The following PCM1 variants were observed in gnomAD, a reference collection of about 807,000 sequenced individuals.
PCM1 encodes pericentriolar material 1, also known as pericentriolar material 1 protein.
PCM1 carries 157 observed loss-of-function variants against 241.9 expected under a neutral mutation model. The ratio of observed to expected loss-of-function variants is 0.65; its 90% CI spans 0.57 to 0.74. PCM1 has a LOEUF of 0.74. Among genes scored for constraint, PCM1 ranks in the 30% least tolerant of loss-of-function variants. The pLI is 0.00. For synonymous variants in PCM1, 1,085 were observed against 784.9 expected, an observed-to-expected ratio of 1.38 and a Z score of -6.39; for missense variants, 3,478 against 2,360.1, an observed-to-expected ratio of 1.47 and a Z score of -9.81.
chr8:17,965,528 T>C (rs1298861703), intron 18 of PCM1, among the ~76,000 whole-genome samples: 1 of 152,222 alleles, frequency 6.6e-6, no homozygotes, highest in Non-Finnish European at 1.5e-5. Flanking sequence ...TCACTCCTGC[T>C]GTTGAGAATT....
Position 17,953,127 on chromosome 8 carries a change from T to C in PCM1, c.1229T>C (p.Met410Thr), listed in dbSNP as rs1295022666. Residue 410 changes from methionine (M) to threonine (T), a missense_variant, in exon 9 of 39, where the codon ATG becomes ACG. Physicochemically the swap from Met to Thr is moderately conservative, Grantham distance 81. Coordinates refer to ENST00000325083, the MANE Select transcript of PCM1 (RefSeq NM_006197.4). ...MRVLQEKKQK[M>T]DKLLGELHTL... is the part of the protein sequence containing the mutation. ...GTGCTACAGGAAAAGAAACAAAAAA[T>C]GGACAAATTGCTTGGAGAACTTCAT... The C allele has an allele frequency of 1.9e-6, 3 of 1,593,316 alleles. No homozygotes were observed. Among genetic ancestry groups the C allele is most frequent in the Non-Finnish European group, 1.7e-6 (2 of 1,169,056 alleles).
chr8:17,970,903 A>AT (rs533022140), intron 22 of PCM1, among the ~76,000 whole-genome samples: 1 of 152,186 alleles, frequency 6.6e-6, no homozygotes, highest in South Asian at 2.1e-4. Context: ...ATGACTAGAG[A>AT]TAAAAAGTCA....
rs921437524 is a variant in PCM1, at chr8:17,955,351, C to G, written c.1289-119C>G. 13 of 637,488 alleles carry G rather than the reference C, an allele frequency of 2.0e-5. No homozygotes were observed. The South Asian group carries it at 3.2e-4, about 16-fold the overall frequency. The allele number at this position is 637,488 out of a possible 1,614,324, so 39.5% of individuals were successfully genotyped here. On this transcript the variant is annotated intron_variant, in intron 9 of 38. Coordinates refer to ENST00000325083, the MANE Select transcript of PCM1 (RefSeq NM_006197.4). The stretch of plus-strand genomic sequence containing the variant: ...ATAAACAATTTTCTGAAATTTAAAT[C>G]TGCAGAAATTAAGTTGTTAATTTTT...
rs748625377 is a variant in PCM1 at position 18,006,377 on chromosome 8, C to T, written c.4942C>T (p.Gln1648Ter). 1.2e-6 allele frequency: 2 copies of T among 1,611,570 alleles called. No homozygotes were observed. Among genetic ancestry groups the T allele is most frequent in the Non-Finnish European group, 1.7e-6 (2 of 1,177,952 alleles). Residue 1648 changes from glutamine to a stop codon, truncating the protein, a stop_gained, in exon 30 of 39, where the codon CAA becomes TAA. Transcript: ENST00000325083. LOFTEE classifies it high-confidence loss of function. Reference sequence around the variant, plus strand: ...AGAGTTTGTAAAGTTCTTTCATAAACAACTTGGAAGTATATTACAGGTAAG... The same window carrying T: ...AGAGTTTGTAAAGTTCTTTCATAAATAACTTGGAAGTATATTACAGGTAAG... ...SKEFVKFFHK[Q>*]LGSILQDSLA...
intron 2 of PCM1, chr8:17,927,170 A>C (rs1479637689): frequency 7.3e-6 from 1 of 136,534 alleles, no homozygotes; most frequent in Non-Finnish European, 1.5e-5. Context: ...TCTGTTGTCC[A>C]GGCTGGAGTG....
chr8:17,952,874 T>C (rs1265073066), intron 8 of PCM1, 96 bp from the exon 9 acceptor site: 7 of 767,196 alleles, frequency 9.1e-6, no homozygotes, highest in Non-Finnish European at 1.2e-5. Context: ...AAATATTTCT[T>C]TCTCTTTATA....
chr8:17,997,389 C>A (rs1252441052), intron 29 of PCM1, among the ~76,000 whole-genome samples: 1 of 152,102 alleles, frequency 6.6e-6, no homozygotes, highest in Non-Finnish European at 1.5e-5. Context: ...ATTAAACTAT[C>A]CTGGTTTTCT....
In PCM1 at chr8:17,991,799, A is replaced by G. The variant is rs550299852; in HGVS notation, c.4690+99A>G. 135 of 833,872 alleles carry G rather than the reference A, an allele frequency of 1.6e-4. No individual in the cohort carries two copies. The East Asian group carries it at 2.5e-3, about 16-fold the overall frequency. 51.7% of individuals were successfully genotyped at this position (833,872 alleles called of 1,614,324 possible). A position where few individuals can be genotyped will look rare whatever the true frequency, so the allele number is the denominator to read the frequency against. The stretch of plus-strand genomic sequence containing the variant: ...TGATTTCTGAGATTTTGGTGCACCC[A>G]TCGCCTGAGCAGTATACACTGTACC... On this transcript the variant is annotated intron_variant, in intron 28 of 38. Coordinates refer to ENST00000325083, the MANE Select transcript of PCM1 (RefSeq NM_006197.4).
chr8:18,013,612 C>G (rs940471433), intron 34 of PCM1, among the ~76,000 whole-genome samples: 3 of 152,148 alleles, frequency 2.0e-5, no homozygotes, highest in Non-Finnish European at 4.4e-5. Context: ...TGTTTCCTCT[C>G]CCTGCTGAAG....
intron 2 of PCM1, among the ~76,000 whole-genome samples, chr8:17,929,550 C>G (rs1478606090): frequency 1.3e-5 from 2 of 152,212 alleles, no homozygotes; most frequent in African/African-American, 4.8e-5. Context: ...ATCATCCTCT[C>G]TCAACAAAGA....
intron 10 of PCM1, chr8:17,955,906 A>G (rs949200829): frequency 4.1e-6 from 2 of 490,012 alleles, no homozygotes; most frequent in Non-Finnish European, 7.4e-6. Flanking sequence ...AAATAAGATT[A>G]CAGTTAAAAT....
rs550243491 is a variant in PCM1, at chr8:17,937,197, G to A, written c.160G>A (p.Val54Ile). The change falls in exon 4 of 39, where the codon GTA becomes ATA. Residue 54 changes from valine to isoleucine, a missense_variant. By Grantham distance (29) the Val-to-Ile change is conservative. Coordinates refer to ENST00000325083, the MANE Select transcript of PCM1 (RefSeq NM_006197.4). ...AGAAAAGAATAAGAAAAAGTTTGGTGTAGAAAGTGATAAAAGAGTAACCAA... is the reference window on the plus strand; with the variant it reads ...AGAAAAGAATAAGAAAAAGTTTGGTATAGAAAGTGATAAAAGAGTAACCAA... ...SSEKNKKKFGVESDKRVTNDI... is the reference protein window; with the variant it reads ...SSEKNKKKFGIESDKRVTNDI... 3.1e-6 allele frequency: 5 copies of A among 1,598,860 alleles called. No homozygotes were observed. In the Admixed American group the frequency reaches 6.9e-5, roughly 22 times the overall value.
intron 2 of PCM1, among the ~76,000 whole-genome samples, chr8:17,928,711 A>T (rs1246129928): frequency 7.0e-6 from 1 of 142,822 alleles, no homozygotes; most frequent in African/African-American, 2.6e-5. Flanking sequence ...CGCTCACTGT[A>T]ACCTCTGCCT....
At position 17,992,126 on chromosome 8, in the gene PCM1, T is replaced by G. The variant is rs531098203; in HGVS notation, c.4690+426T>G. ...TACACATATATACATATACCACATT[T>G]TCTTTATCCGCTCGTTGATTGATGG... is the stretch of plus-strand genomic sequence containing the variant. On this transcript the variant is annotated intron_variant, in intron 28 of 38. Transcript: ENST00000325083. Among the ~76,000 whole-genome samples, 114 of 152,366 alleles carry G rather than the reference T, an allele frequency of 7.5e-4. 2 individuals carry two copies. The highest frequency in any genetic ancestry group is 2.2e-4 in the Non-Finnish European group (15 of 68,032).
At chr8:17,987,428 T>C (rs1207283120) in intron 26 of PCM1, among the ~76,000 whole-genome samples, 1 of 151,840 alleles carries the variant, frequency 6.6e-6, no homozygotes, top group East Asian at 1.9e-4. Context: ...TTACTTCCAT[T>C]TATTTTAAGA....
intron 6 of PCM1, among the ~76,000 whole-genome samples, 179 bp from the exon 7 acceptor site, chr8:17,947,007 A>C (rs1290602389): frequency 1.3e-5 from 2 of 152,024 alleles, no homozygotes; most frequent in African/African-American, 4.8e-5. Flanking sequence ...GGCAGGCTAT[A>C]TATATATCTC....
At chr8:17,953,213 G>A (rs1291113477) in intron 9 of PCM1, 27 bp downstream of exon 9, 1 of 1,271,736 alleles carries the variant, frequency 7.9e-7, no homozygotes, top group Non-Finnish European at 1.1e-6. Flanking sequence ...CAGCAGTATT[G>A]GGTATAAGAC....
chr8:17,929,560 A>G (rs1435073182), intron 2 of PCM1, among the ~76,000 whole-genome samples: 1 of 152,234 alleles, frequency 6.6e-6, no homozygotes, highest in Non-Finnish European at 1.5e-5. Context: ...CTCAACAAAG[A>G]AAACTTGTTT....
chr8:17,994,714 C>G (rs536567841), intron 29 of PCM1, among the ~76,000 whole-genome samples: 69 of 151,768 alleles, frequency 4.5e-4, no homozygotes, highest in Non-Finnish European at 9.3e-4. Flanking sequence ...TATTGCCTGT[C>G]TTTGGGATAA....
Sources: allele counts gnomAD v4.1 joint callset (sites outside exome capture counted in the v4.1 genomes callset), GRCh38; gene constraint gnomAD v4.1.1; transcripts MANE v1.5; gene names NCBI Gene and HGNC (gene_info 2026-07-23, HGNC 2026-07-21).